Variants in SUFU observed in about 807,000 individuals in gnomAD.
SUFU encodes SUFU negative regulator of hedgehog signaling.
SUFU carries 7 observed loss-of-function variants against 58.9 expected under a neutral mutation model. The ratio of observed to expected loss-of-function variants is 0.12; its 90% CI spans 0.07 to 0.22. The LOEUF is 0.22. Ranked by LOEUF, SUFU falls within the 10% of genes least tolerant of loss-of-function variation. SUFU has a pLI of 1.00. For synonymous variants in SUFU, 232 were observed against 254.8 expected (o/e 0.91, Z 0.85); for missense variants, 451 against 641.3 (o/e 0.70, Z 3.20).
Position 102,632,762 on chromosome 10 carries a change from T to TG in SUFU, c.*2609dup, listed in dbSNP as rs2063848363. On this transcript the variant is annotated 3_prime_UTR_variant, in exon 12 of 12. Coordinates refer to ENST00000369902, the MANE Select transcript of SUFU (RefSeq NM_016169.4). ...AGTTGTACCCACCCCTCCAGGTCCC[T>TG]GGTGCTAGAGCTTCTGAGAAGGGCC... 4.3e-6 allele frequency: 1 copy of TG among 233,266 alleles called. No homozygotes were observed. Among genetic ancestry groups the TG allele is most frequent in the Non-Finnish European group, 8.5e-6 (1 of 118,134 alleles). 14.4% of individuals were successfully genotyped at this position (233,266 alleles called of 1,614,324 possible).
rs1031601426 is a variant in SUFU, at chr10:102,573,050, T to G, written c.455-19532T>G. ...TCCGGGGTTGGTCTTCTGAGGGTAC[T>G]TGGGCTGCCTCCAGAATCGCAGTGT... On this transcript the variant is annotated intron_variant, in intron 3 of 11. Transcript: ENST00000369902. The G allele has an allele frequency of 4.8e-6, 4 of 839,308 alleles. No homozygotes were observed. The African/African-American group carries it at 5.0e-5, about 10-fold the overall frequency. The allele number at this position is 839,308 out of a possible 1,614,324, so 52.0% of individuals were successfully genotyped here. A position where few individuals can be genotyped will look rare whatever the true frequency, so the allele number is the denominator to read the frequency against.
At chr10:102,627,830 G>T (rs1210462123) in intron 11 of SUFU, among the ~76,000 whole-genome samples, 5 of 152,162 alleles carry the variant, frequency 3.3e-5, no homozygotes, top group African/African-American at 1.2e-4. Context: ...CTCCTCTGGG[G>T]TAGAGGAATG....
At chr10:102,531,977 TAG>T (rs971235288) in intron 2 of SUFU, among the ~76,000 whole-genome samples, 3 of 150,750 alleles carry the variant, frequency 2.0e-5, no homozygotes, top group African/African-American at 7.3e-5. Flanking sequence ...TTTTTTGAGA[TAG>T]AGTCTTGCTC....
rs1242791132 is a variant in SUFU, at chr10:102,630,274, G to A, written c.*119G>A. On this transcript the variant is annotated 3_prime_UTR_variant, in exon 12 of 12. Transcript: ENST00000369902. Reference sequence around the variant, plus strand: ...AAAGGACAAGTGTGAGGAAGACTGCGCAGTGCCACCCCGCAGCCCAGTGGG... The same window carrying A: ...AAAGGACAAGTGTGAGGAAGACTGCACAGTGCCACCCCGCAGCCCAGTGGG... 8 of 920,536 alleles carry A rather than the reference G, an allele frequency of 8.7e-6. No individual in the cohort carries two copies. The highest frequency in any genetic ancestry group is 3.3e-5 in the African/African-American group (2 of 61,312). The allele number at this position is 920,536 out of a possible 1,614,324, so 57.0% of individuals were successfully genotyped here.
intron 2 of SUFU, among the ~76,000 whole-genome samples, chr10:102,534,764 C>T (rs543300695): frequency 6.0e-4 from 91 of 152,242 alleles, no homozygotes; most frequent in African/African-American, 1.8e-3. Context: ...TTGGCATTGC[C>T]CTGGGATACA....
chr10:102,521,388 G>A (rs1436865688), intron 2 of SUFU, among the ~76,000 whole-genome samples: 1 of 152,000 alleles, frequency 6.6e-6, no homozygotes, highest in African/African-American at 2.4e-5. Context: ...ATGCTTTCTG[G>A]CATATTTTTC....
At chr10:102,562,970 G>A (rs1298824020) in intron 3 of SUFU, among the ~76,000 whole-genome samples, 5 of 152,162 alleles carry the variant, frequency 3.3e-5, no homozygotes, top group Non-Finnish European at 5.9e-5. Context: ...GGTGGGTAGC[G>A]TGGTGAGGAA....
In SUFU at chr10:102,631,876, G is replaced by A. The variant is rs1423602802; in HGVS notation, c.*1721G>A. ...TGGGAGAGACTGGCTGCAGATCCCCGCCAGCCAAGATGCAAGCCACTCGGG... is the reference window on the plus strand; with the variant it reads ...TGGGAGAGACTGGCTGCAGATCCCCACCAGCCAAGATGCAAGCCACTCGGG... On this transcript the variant is annotated 3_prime_UTR_variant, in exon 12 of 12. Coordinates refer to ENST00000369902, the MANE Select transcript of SUFU (RefSeq NM_016169.4). 5 of 233,256 alleles carry A rather than the reference G, an allele frequency of 2.1e-5. No individual in the cohort carries two copies. Among genetic ancestry groups the A allele is most frequent in the Non-Finnish European group, 4.2e-5 (5 of 118,128 alleles). The allele number at this position is 233,256 out of a possible 1,614,324, so 14.4% of individuals were successfully genotyped here. A position where few individuals can be genotyped will look rare whatever the true frequency, so the allele number is the denominator to read the frequency against.
At position 102,633,343 on chromosome 10, in the gene SUFU, G is replaced by A; in HGVS notation, c.*3188G>A. The A allele has an allele frequency of 8.6e-6, 2 of 233,220 alleles. No individual in the cohort carries two copies. Among genetic ancestry groups the A allele is most frequent in the Non-Finnish European group, 1.7e-5 (2 of 117,732 alleles). The allele number at this position is 233,220 out of a possible 1,614,324, so 14.4% of individuals were successfully genotyped here. A position where few individuals can be genotyped will look rare whatever the true frequency, so the allele number is the denominator to read the frequency against. On this transcript the variant is annotated 3_prime_UTR_variant, in exon 12 of 12. Coordinates refer to ENST00000369902, the MANE Select transcript of SUFU (RefSeq NM_016169.4). ...CAGTGGCGACTCGGTTCCTGGGGCT[G>A]CAGCCAGCCTGGGACTTTTGTAAGA...
intron 8 of SUFU, among the ~76,000 whole-genome samples, chr10:102,609,459 A>G (rs2063598922): frequency 6.6e-6 from 1 of 152,250 alleles, no homozygotes; most frequent in African/African-American, 2.4e-5. Context: ...AACAGGGTCA[A>G]GAAAAGCTGA....
At position 102,630,523 on chromosome 10, in the gene SUFU, GCAGGAGGGAGGCGGACAGC is replaced by G; in HGVS notation, c.*372_*390del. 1 of 425,062 alleles carries G rather than the reference GCAGGAGGGAGGCGGACAGC, an allele frequency of 2.4e-6. No individual in the cohort carries two copies. The highest frequency in any genetic ancestry group is 4.4e-6 in the Non-Finnish European group (1 of 226,160). 26.3% of individuals were successfully genotyped at this position (425,062 alleles called of 1,614,324 possible). A position where few individuals can be genotyped will look rare whatever the true frequency, so the allele number is the denominator to read the frequency against. The stretch of plus-strand genomic sequence containing the variant: ...CACCTACCCCCTGCCGCACAGCCCA[GCAGGAGGGAGGCGGACAGC>G]CAGATGCAGAGCGAGTGGATGCACT... On this transcript the variant is annotated 3_prime_UTR_variant, in exon 12 of 12. Transcript: ENST00000369902.
At chr10:102,557,714 A>G (rs977115907) in intron 3 of SUFU, among the ~76,000 whole-genome samples, 2 of 152,082 alleles carry the variant, frequency 1.3e-5, no homozygotes, top group Admixed American at 6.5e-5. Flanking sequence ...TGTATGTTCA[A>G]ATGGGGTCCT....
Position 102,580,898 on chromosome 10 carries a change from T to C in SUFU, c.455-11684T>C, listed in dbSNP as rs935695998. Among the ~76,000 whole-genome samples, 7 of 152,044 alleles carry C rather than the reference T, an allele frequency of 4.6e-5. No individual in the cohort carries two copies. The East Asian group carries it at 1.4e-3, about 29-fold the overall frequency. On this transcript the variant is annotated intron_variant, in intron 3 of 11. Coordinates refer to ENST00000369902, the MANE Select transcript of SUFU (RefSeq NM_016169.4). ...TCCTCTCTGGTCTAGAAATTAGGCTTGGGCTGGGCGTGGTGGCTCACACCT... is the reference window on the plus strand; with the variant it reads ...TCCTCTCTGGTCTAGAAATTAGGCTCGGGCTGGGCGTGGTGGCTCACACCT...
At chr10:102,616,039 C>T (rs578243270) in intron 9 of SUFU, among the ~76,000 whole-genome samples, 3 of 138,840 alleles carry the variant, frequency 2.2e-5, no homozygotes, top group East Asian at 5.2e-4. Context: ...ACTGGTTTGT[C>T]AGGGTGGGGT....
At chr10:102,524,510 G>C (rs1168069770) in intron 2 of SUFU, among the ~76,000 whole-genome samples, 1 of 150,660 alleles carries the variant, frequency 6.6e-6, no homozygotes, top group Non-Finnish European at 1.5e-5. Flanking sequence ...ATTTTTTGTA[G>C]AGACGGGGTT....
intron 3 of SUFU, among the ~76,000 whole-genome samples, chr10:102,567,029 T>TTTTTGG (rs2063098538): frequency 7.7e-6 from 1 of 130,468 alleles, no homozygotes; most frequent in Non-Finnish European, 1.6e-5. Context: ...TTTTTTTTTT[T>TTTTTGG]GAGACAGAGT....
intron 3 of SUFU, among the ~76,000 whole-genome samples, chr10:102,575,419 G>C (rs2063203958): frequency 6.6e-6 from 1 of 152,168 alleles, no homozygotes; most frequent in South Asian, 2.1e-4. Flanking sequence ...TCTGATGAAG[G>C]CCTTCTTGCT....
At position 102,630,202 on chromosome 10, in the gene SUFU, C is replaced by T. The variant is rs751955771; in HGVS notation, c.*47C>T. The stretch of plus-strand genomic sequence containing the variant: ...GCCAGCAGGGAGCCCAGCTGCTCCC[C>T]AGTGACTTCCAGTGTAACAGTTGTG... On this transcript the variant is annotated 3_prime_UTR_variant, in exon 12 of 12. Transcript: ENST00000369902. 1.1e-5 allele frequency: 16 copies of T among 1,404,962 alleles called. No homozygotes were observed. The highest frequency in any genetic ancestry group is 1.5e-5 in the Non-Finnish European group (15 of 990,780). The allele number at this position is 1,404,962 out of a possible 1,614,324, so 87.0% of individuals were successfully genotyped here.
In SUFU at chr10:102,623,075, G is replaced by C. The variant is rs377319229; in HGVS notation, c.1297-4100G>C. Among the ~76,000 whole-genome samples, 4 of 151,136 alleles carry C rather than the reference G, an allele frequency of 2.6e-5. No homozygotes were observed. The East Asian group carries it at 7.8e-4, about 29-fold the overall frequency. Reference sequence around the variant, plus strand: ...ATTCAGGAAGTGTGAATGGGGCCTAGCATCGCCATATTTTCAGAAGCTTCC... The same window carrying C: ...ATTCAGGAAGTGTGAATGGGGCCTACCATCGCCATATTTTCAGAAGCTTCC... On this transcript the variant is annotated intron_variant, in intron 10 of 11. Coordinates refer to ENST00000369902, the MANE Select transcript of SUFU (RefSeq NM_016169.4).
Sources: gnomAD v4.1 joint callset for allele counts (sites outside exome capture counted in the v4.1 genomes callset) on GRCh38, gnomAD v4.1.1 for gene constraint, MANE v1.5 for transcripts, NCBI Gene and HGNC (gene_info 2026-07-23, HGNC 2026-07-21) for gene names.